The following BABAM2 variants were observed in gnomAD, a reference collection of about 807,000 sequenced individuals.
BABAM2 encodes BRISC and BRCA1-A complex member 2.
Under a neutral mutation model 54.7 loss-of-function variants are expected in BABAM2, and 31 were observed. That is an observed-to-expected ratio of 0.57 (90% CI 0.43 to 0.77). BABAM2 has a LOEUF of 0.77. BABAM2 is among the 30% of genes least tolerant of loss of function. BABAM2 has a pLI of 0.00. For synonymous variants in BABAM2, 167 were observed against 162.9 expected, an observed-to-expected ratio of 1.03 and a Z score of -0.19; for missense variants, 364 against 455.8, an observed-to-expected ratio of 0.80 and a Z score of 1.83.
chr2:28,005,037 C>G (rs1376860079), intron 4 of BABAM2, among the ~76,000 whole-genome samples: 1 of 152,082 alleles, frequency 6.6e-6, no homozygotes, highest in Non-Finnish European at 1.5e-5. Flanking sequence ...CAACTACTAT[C>G]TAGGTTCTAC....
intron 6 of BABAM2, among the ~76,000 whole-genome samples, chr2:28,105,797 G>A (rs2148715831): frequency 6.6e-6 from 1 of 152,238 alleles, no homozygotes; most frequent in Admixed American, 6.5e-5. Context: ...CTTTGACCAA[G>A]CATGGTGAGA....
At chr2:27,924,847 G>A (rs563164605) in intron 2 of BABAM2, among the ~76,000 whole-genome samples, 1 of 152,262 alleles carries the variant, frequency 6.6e-6, no homozygotes, top group South Asian at 2.1e-4. Context: ...CATGGCACTG[G>A]CTTGTTTCCT....
intron 6 of BABAM2, among the ~76,000 whole-genome samples, chr2:28,100,406 G>C (rs1385102201): frequency 1.4e-5 from 2 of 141,062 alleles, no homozygotes; most frequent in African/African-American, 5.4e-5. Context: ...GTTGCAGTGA[G>C]ACGAGACCGT....
At chr2:28,064,796 G>A (rs1456078534) in intron 6 of BABAM2, among the ~76,000 whole-genome samples, 1 of 152,160 alleles carries the variant, frequency 6.6e-6, no homozygotes, top group Non-Finnish European at 1.5e-5. Context: ...GAGGTCAGGA[G>A]TTCAAGATCA....
chr2:28,311,239 C>T (rs1348307371), intron 11 of BABAM2, among the ~76,000 whole-genome samples: 4 of 139,244 alleles, frequency 2.9e-5, no homozygotes, highest in Non-Finnish European at 3.0e-5. Context: ...CCAGCCTAGG[C>T]GACAGAATGA....
intron 6 of BABAM2, among the ~76,000 whole-genome samples, chr2:28,093,555 A>T (rs1184953481): frequency 6.6e-6 from 1 of 152,162 alleles, no homozygotes; most frequent in Non-Finnish European, 1.5e-5. Flanking sequence ...TGGGACTGAG[A>T]GCCGGCTACG....
At chr2:27,975,993 T>C (rs1671574131) in intron 3 of BABAM2, among the ~76,000 whole-genome samples, 1 of 152,084 alleles carries the variant, frequency 6.6e-6, no homozygotes, top group Non-Finnish European at 1.5e-5. Flanking sequence ...AAAATCATTA[T>C]GAGATGCCAT....
chr2:28,119,642 G>C (rs1383589121), intron 6 of BABAM2, among the ~76,000 whole-genome samples: 1 of 152,056 alleles, frequency 6.6e-6, no homozygotes, highest in Non-Finnish European at 1.5e-5. Flanking sequence ...AATATATTAA[G>C]GATAAGTACA....
intron 11 of BABAM2, chr2:28,307,613 C>T (rs1688675111): frequency 6.6e-6 from 1 of 152,060 alleles, no homozygotes; most frequent in Non-Finnish European, 1.5e-5. Context: ...GTGTAATTAT[C>T]TGTGTACCTT....
chr2:27,967,368 A>G (rs1336620800), intron 3 of BABAM2, among the ~76,000 whole-genome samples: 1 of 152,132 alleles, frequency 6.6e-6, no homozygotes, highest in South Asian at 2.1e-4. Flanking sequence ...TCCTGCTGCT[A>G]TCCATTGTAA....
intron 7 of BABAM2, among the ~76,000 whole-genome samples, chr2:28,161,696 G>T (rs1319304098): frequency 6.6e-6 from 1 of 152,148 alleles, no homozygotes; most frequent in African/African-American, 2.4e-5. Flanking sequence ...GCAAATGGGT[G>T]GGTGTGTCCT....
Position 28,325,992 on chromosome 2 carries a change from T to A in BABAM2, c.1089-12458T>A, listed in dbSNP as rs1690417913. 6.6e-6 allele frequency among the ~76,000 whole-genome samples: 1 copy of A among 152,242 alleles called. No individual in the cohort carries two copies. Among genetic ancestry groups the A allele is most frequent in the South Asian group, 2.1e-4 (1 of 4,832 alleles). Reference sequence around the variant, plus strand: ...CTCCTTTGGGAGTCCTGCACTTTGCTGTGGAGGCTGATGCCTGACCATGCT... The same window carrying A: ...CTCCTTTGGGAGTCCTGCACTTTGCAGTGGAGGCTGATGCCTGACCATGCT... On this transcript the variant is annotated intron_variant, in intron 11 of 11. Coordinates refer to ENST00000379624, the MANE Select transcript of BABAM2 (RefSeq NM_199191.3). The surrounding 1 kb of genome is among the most constrained non-coding windows in gnomAD (Gnocchi z 4.3).
At chr2:28,172,761 A>C (rs572079702) in intron 7 of BABAM2, among the ~76,000 whole-genome samples, 1 of 152,360 alleles carries the variant, frequency 6.6e-6, no homozygotes, top group Non-Finnish European at 1.5e-5. Context: ...CCAGCAGAGC[A>C]TTCCAAATAT....
chr2:28,170,012 A>G (rs1263720660), intron 7 of BABAM2, among the ~76,000 whole-genome samples: 1 of 152,174 alleles, frequency 6.6e-6, no homozygotes, highest in Non-Finnish European at 1.5e-5. Flanking sequence ...AAGTTTCTTT[A>G]AGATTTATTT....
chr2:28,190,006 A>C (rs1411615878), intron 7 of BABAM2, among the ~76,000 whole-genome samples: 1 of 152,218 alleles, frequency 6.6e-6, no homozygotes, highest in Non-Finnish European at 1.5e-5. Flanking sequence ...ATAGACATTC[A>C]GTTTTTGACA....
chr2:28,041,293 C>A (rs1201920010), intron 5 of BABAM2, among the ~76,000 whole-genome samples: 2 of 152,128 alleles, frequency 1.3e-5, no homozygotes, highest in East Asian at 3.9e-4. Flanking sequence ...CACTAGTAGG[C>A]AGAAATGGTT....
chr2:28,214,130 T>C (rs1679721236), intron 7 of BABAM2, among the ~76,000 whole-genome samples: 1 of 152,096 alleles, frequency 6.6e-6, no homozygotes, highest in Non-Finnish European at 1.5e-5. Context: ...TAGACCTTAG[T>C]CAGTTTTCAT....
At chr2:27,951,311 A>G (rs1669703227) in intron 3 of BABAM2, among the ~76,000 whole-genome samples, 4 of 152,162 alleles carry the variant, frequency 2.6e-5, no homozygotes, top group Non-Finnish European at 5.9e-5. Context: ...TTTTAGATGT[A>G]TCCTACAAAT....
intron 6 of BABAM2, among the ~76,000 whole-genome samples, chr2:28,110,422 G>A (rs999885786): frequency 6.6e-6 from 1 of 151,954 alleles, no homozygotes; most frequent in Admixed American, 6.6e-5. Context: ...TCAGGAGTTC[G>A]AGACTAGCCT....
Sources: gnomAD v4.1 joint callset for allele counts (sites outside exome capture counted in the v4.1 genomes callset) on GRCh38, gnomAD v4.1.1 for gene constraint, Gnocchi (gnomAD v3.1) non-coding constraint, MANE v1.5 for transcripts, NCBI Gene and HGNC (gene_info 2026-07-23, HGNC 2026-07-21) for gene names.